The following SMARCC1 variants were observed in gnomAD, a reference collection of about 807,000 sequenced individuals.
SMARCC1 encodes the protein SWI/SNF complex subunit SMARCC1.
SMARCC1 carries 43 observed loss-of-function variants against 147.4 expected under a neutral mutation model. That is an observed-to-expected ratio of 0.29 (90% CI 0.23 to 0.38). SMARCC1 has a LOEUF of 0.38. Among genes scored for constraint, SMARCC1 ranks in the 10% least tolerant of loss-of-function variants. The probability of loss-of-function intolerance (pLI) is 1.00; values close to 1 mark genes in which losing one functional copy is unlikely to be tolerated. For synonymous variants in SMARCC1, 495 were observed against 484.4 expected (o/e 1.02, Z -0.29); for missense variants, 1,119 against 1,381.1 (o/e 0.81, Z 3.01).
intron 24 of SMARCC1, among the ~76,000 whole-genome samples, chr3:47,628,950 C>G (rs1220461039): frequency 6.6e-6 from 1 of 152,158 alleles, no homozygotes; most frequent in Non-Finnish European, 1.5e-5. Flanking sequence ...CAGGCCAAGA[C>G]AGCCAATCAC....
chr3:47,697,882 C>A (rs2033872290), intron 11 of SMARCC1, among the ~76,000 whole-genome samples: 1 of 151,144 alleles, frequency 6.6e-6, no homozygotes, highest in East Asian at 2.0e-4. Flanking sequence ...GTAGTGGGCA[C>A]CTGTATTCCC....
chr3:47,643,403 T>G (rs77693044), intron 21 of SMARCC1, among the ~76,000 whole-genome samples: 1 of 152,080 alleles, frequency 6.6e-6, no homozygotes, highest in Admixed American at 6.6e-5. Flanking sequence ...CATTCAATAA[T>G]AGAATGGATA....
chr3:47,623,304 C>T (rs1192399692), intron 24 of SMARCC1, among the ~76,000 whole-genome samples: 1 of 151,980 alleles, frequency 6.6e-6, no homozygotes, highest in Admixed American at 6.6e-5. Context: ...ACGCATCTTA[C>T]CAAGGTCTTA....
intron 14 of SMARCC1, among the ~76,000 whole-genome samples, chr3:47,681,174 G>C (rs191203213): frequency 1.3e-5 from 2 of 152,250 alleles, no homozygotes; most frequent in Non-Finnish European, 2.9e-5. Context: ...AAAGGAGCTG[G>C]CACGGCATGG....
intron 26 of SMARCC1, among the ~76,000 whole-genome samples, chr3:47,595,184 T>C (rs1021831876): frequency 6.6e-6 from 1 of 152,178 alleles, no homozygotes; most frequent in Non-Finnish European, 1.5e-5. Flanking sequence ...TTGGCTACTA[T>C]GAATAATCTG....
chr3:47,616,392 G>T (rs539908991), intron 25 of SMARCC1, among the ~76,000 whole-genome samples: 1 of 152,130 alleles, frequency 6.6e-6, no homozygotes, highest in African/African-American at 2.4e-5. Flanking sequence ...TTTAAAATAT[G>T]AGGGAGCTGG....
intron 11 of SMARCC1, 132 bp downstream of exon 11, chr3:47,701,146 T>C (rs924204635): frequency 6.5e-6 from 4 of 614,740 alleles, no homozygotes; most frequent in Non-Finnish European, 1.1e-5. Context: ...AAAAAAGATA[T>C]CCATAAAAGG....
At position 47,704,655 on chromosome 3, in the gene SMARCC1, G is replaced by A. The variant is rs141574961; in HGVS notation, c.1040+1754C>T. Among the ~76,000 whole-genome samples the A allele has an allele frequency of 2.3e-3, 348 of 152,266 alleles. 3 individuals carry two copies. Among genetic ancestry groups the A allele is most frequent in the Admixed American group, 4.6e-3 (71 of 15,292 alleles). ...AAACAGGCCAGGTGTGGTGGCTCACGCAAATAATCCCAACACGTTGGGAGG... is the reference window on the plus strand; with the variant it reads ...AAACAGGCCAGGTGTGGTGGCTCACACAAATAATCCCAACACGTTGGGAGG... On this transcript the variant is annotated intron_variant, in intron 10 of 27. Transcript: ENST00000254480.
rs1404136992 is a variant in SMARCC1, at chr3:47,781,849, T to C, written c.-52A>G. On this transcript the variant is annotated 5_prime_UTR_variant, in exon 1 of 28. Transcript: ENST00000254480. ...TGGCCCACCCCGGCCCTCGCGGTGT[T>C]TCCCGGTCGTTCCCGCGCGCACCCC... 7.6e-6 allele frequency: 9 copies of C among 1,185,268 alleles called. No homozygotes were observed. The highest frequency in any genetic ancestry group is 1.6e-5 in the African/African-American group (1 of 62,192). 73.4% of individuals were successfully genotyped at this position (1,185,268 alleles called of 1,614,324 possible).
intron 18 of SMARCC1, among the ~76,000 whole-genome samples, chr3:47,675,267 C>A (rs1277409159): frequency 6.6e-6 from 1 of 152,178 alleles, no homozygotes; most frequent in Non-Finnish European, 1.5e-5. Flanking sequence ...CTAATTCTCT[C>A]TTCAAATTCT....
chr3:47,601,285 A>C (rs2032381801), intron 26 of SMARCC1, among the ~76,000 whole-genome samples: 1 of 152,214 alleles, frequency 6.6e-6, no homozygotes, highest in South Asian at 2.1e-4. Flanking sequence ...GAATATTAGT[A>C]AAGGACCTTA....
At chr3:47,664,270 T>C (rs1030438787) in intron 19 of SMARCC1, among the ~76,000 whole-genome samples, 1 of 151,066 alleles carries the variant, frequency 6.6e-6, no homozygotes, top group Non-Finnish European at 1.5e-5. Context: ...AGCAACAGAC[T>C]AGAATGAGTA....
chr3:47,737,480 A>G (rs1013876930), intron 4 of SMARCC1, among the ~76,000 whole-genome samples: 1 of 152,206 alleles, frequency 6.6e-6, no homozygotes, highest in African/African-American at 2.4e-5. Context: ...ATTACCATAA[A>G]TTATCTCACC....
intron 12 of SMARCC1, among the ~76,000 whole-genome samples, chr3:47,689,697 TTAA>T (rs1164089742): frequency 6.6e-6 from 1 of 152,230 alleles, no homozygotes; most frequent in Admixed American, 6.5e-5. Flanking sequence ...AGTCATGATC[TTAA>T]TAACAGATAC....
At chr3:47,666,116 C>T (rs573244549) in intron 19 of SMARCC1, among the ~76,000 whole-genome samples, 3 of 152,246 alleles carry the variant, frequency 2.0e-5, no homozygotes, top group African/African-American at 7.2e-5. Flanking sequence ...CTACTTCTCC[C>T]GCCCTATTCC....
At chr3:47,729,472 G>A (rs930718121) in intron 5 of SMARCC1, among the ~76,000 whole-genome samples, 4 of 152,032 alleles carry the variant, frequency 2.6e-5, no homozygotes, top group African/African-American at 4.8e-5. Flanking sequence ...AACCTCCTCC[G>A]TCTCCTGGGT....
intron 14 of SMARCC1, among the ~76,000 whole-genome samples, chr3:47,685,477 G>A (rs951206791): frequency 4.0e-5 from 6 of 151,576 alleles, no homozygotes; most frequent in Non-Finnish European, 8.8e-5. Flanking sequence ...GATTCTAAAT[G>A]AGTTAGATTC....
At chr3:47,646,197 G>A (rs1376590036) in intron 21 of SMARCC1, among the ~76,000 whole-genome samples, 1 of 152,182 alleles carries the variant, frequency 6.6e-6, no homozygotes, top group Non-Finnish European at 1.5e-5. Flanking sequence ...CATTTCTCAA[G>A]ATGCTATGTG....
intron 2 of SMARCC1, among the ~76,000 whole-genome samples, chr3:47,755,989 T>TA (rs34001771): frequency 0.029 from 663 of 22,896 alleles, 44 homozygotes; most frequent in African/African-American, 0.04. Flanking sequence ...GGCTTCATCT[T>TA]AAAAAAAAAA....
Sources: gnomAD v4.1 joint callset for allele counts (sites outside exome capture counted in the v4.1 genomes callset) on GRCh38, gnomAD v4.1.1 for gene constraint, MANE v1.5 for transcripts, NCBI Gene and HGNC (gene_info 2026-07-23, HGNC 2026-07-21) for gene names.